Variants in BRF1 observed in about 807,000 individuals in gnomAD.
The protein encoded by BRF1 is transcription factor IIIB 90 kDa subunit.
A neutral mutation model predicts 81.7 loss-of-function variants in BRF1; 59 were observed. That is an observed-to-expected ratio of 0.72 (90% CI 0.59 to 0.90). BRF1 has a LOEUF of 0.90. Among genes scored for constraint, BRF1 ranks in the 40% least tolerant of loss-of-function variants. The pLI, the probability that BRF1 is intolerant of heterozygous loss-of-function variation, is 0.00. For synonymous variants in BRF1, 491 were observed against 395.6 expected (o/e 1.24, Z -2.86); for missense variants, 1,050 against 936.3 (o/e 1.12, Z -1.58).
At position 105,286,298 on chromosome 14, in the gene BRF1, T is replaced by C; in HGVS notation, c.263A>G (p.Asn88Ser). Residue 88 changes from asparagine to serine, a missense_variant and splice_region_variant, in exon 2 of 18, where the codon AAT becomes AGT. By Grantham distance (46) the Asn-to-Ser change is conservative. This residue lies in a region of BRF1 where 1,043 missense variants were observed against 915.4 expected (regional missense o/e 1.14). Transcript: ENST00000547530. ...GKESRAQTLQNGRRHIHHLGN... is the reference protein window; with the variant it reads ...GKESRAQTLQSGRRHIHHLGN... ...GCAGCATCCGCGGTGGGAAATACCA[T>C]TCTGCAGGGTCTGCGCTCTCGACTC... 1 of 1,612,876 alleles carries C rather than the reference T, an allele frequency of 6.2e-7. No individual in the cohort carries two copies. Among genetic ancestry groups the C allele is most frequent in the East Asian group, 2.2e-5 (1 of 44,880 alleles).
chr14:105,244,360 C>T (rs1019092823), intron 5 of BRF1, among the ~76,000 whole-genome samples: 17 of 152,170 alleles, frequency 1.1e-4, no homozygotes, highest in African/African-American at 4.1e-4. Context: ...GGGAGGATTG[C>T]TTGAGTCCAG....
chr14:105,302,573 CT>C (rs1462579959), upstream of BRF1, among the ~76,000 whole-genome samples: 47 of 151,816 alleles, frequency 3.1e-4, no homozygotes, highest in Admixed American at 3.1e-3. Context: ...AATGTGTTCC[CT>C]TTTTCTAGTT....
chr14:105,295,722 T>G (rs1480224314), intron 1 of BRF1, among the ~76,000 whole-genome samples: 1 of 151,192 alleles, frequency 6.6e-6, no homozygotes, highest in Non-Finnish European at 1.5e-5. Context: ...AGTTCCAGGC[T>G]GCAGTGACCT....
upstream of BRF1, among the ~76,000 whole-genome samples, chr14:105,301,582 C>T (rs2058030415): frequency 1.3e-5 from 2 of 152,286 alleles, no homozygotes; most frequent in South Asian, 4.1e-4. Flanking sequence ...CCACCCTGCC[C>T]CGCCCTCCGC....
At chr14:105,256,443 C>T in intron 4 of BRF1, 75 bp downstream of exon 4, 1 of 1,613,824 alleles carries the variant, frequency 6.2e-7, no homozygotes, top group East Asian at 2.2e-5. Context: ...TGGGGTACAC[C>T]CCGGTCACAA....
upstream of BRF1, among the ~76,000 whole-genome samples, chr14:105,304,501 A>G (rs142099915): frequency 1.3e-3 from 205 of 152,298 alleles, no homozygotes; most frequent in Non-Finnish European, 2.3e-3. Flanking sequence ...AATAAATAAA[A>G]TAAAATAAAA....
intron 15 of BRF1, among the ~76,000 whole-genome samples, chr14:105,214,036 TG>T: frequency 6.6e-6 from 1 of 152,340 alleles, no homozygotes; most frequent in East Asian, 1.9e-4. Context: ...CCTGAGGATG[TG>T]GGGCGCTGCG....
intron 1 of BRF1, among the ~76,000 whole-genome samples, chr14:105,294,371 G>A (rs183329818): frequency 8.3e-4 from 126 of 152,360 alleles, no homozygotes; most frequent in African/African-American, 2.9e-3. Flanking sequence ...TTCCAGCTCT[G>A]CACTGCTCCA....
intron 2 of BRF1, among the ~76,000 whole-genome samples, chr14:105,273,408 G>A (rs899341013): frequency 1.3e-5 from 2 of 152,202 alleles, no homozygotes; most frequent in South Asian, 2.1e-4. Flanking sequence ...CCAGCCACCC[G>A]GCCTGAGAAA....
At chr14:105,211,608 CTG>C (rs1434913872) in intron 16 of BRF1, 2 of 404,298 alleles carry the variant, frequency 4.9e-6, no homozygotes, top group Admixed American at 4.3e-5. Context: ...GCCGAGGACA[CTG>C]TGGCCTCAGC....
intron 5 of BRF1, chr14:105,246,947 T>C (rs1208043279): frequency 1.0e-6 from 1 of 985,464 alleles, no homozygotes; most frequent in Non-Finnish European, 1.2e-6. Flanking sequence ...AAGTTATTCC[T>C]TCTCACTGCA....
chr14:105,268,427 T>C (rs587730161), intron 3 of BRF1, among the ~76,000 whole-genome samples: 1 of 152,300 alleles, frequency 6.6e-6, no homozygotes, highest in African/African-American at 2.4e-5. Flanking sequence ...AGCACCCCGT[T>C]CCTCCTCCAG....
In BRF1 at chr14:105,300,988, A is replaced by C. The variant is rs1037588203; in HGVS notation, c.-359T>G. ...CCGAGCGGGGCCTACCGGTGAGCGC[A>C]GCCGAGGACTGGCGCTTGGGGGCGG... On this transcript the variant is annotated 5_prime_UTR_variant, in exon 1 of 18. Transcript: ENST00000547530. The C allele has an allele frequency of 1.3e-5, 2 of 153,018 alleles. No homozygotes were observed. Among genetic ancestry groups the C allele is most frequent in the South Asian group, 2.1e-4 (1 of 4,852 alleles). The allele number at this position is 153,018 out of a possible 1,614,324, so 9.5% of individuals were successfully genotyped here. A position where few individuals can be genotyped will look rare whatever the true frequency, so the allele number is the denominator to read the frequency against.
chr14:105,287,507 G>A (rs199587327), intron 1 of BRF1, among the ~76,000 whole-genome samples: 7 of 77,598 alleles, frequency 9.0e-5, no homozygotes, highest in African/African-American at 2.6e-4. Flanking sequence ...TGCTGCAATC[G>A]GGACGCGCAG....
Position 105,211,209 on chromosome 14 carries a change from G to A in BRF1, c.1909C>T (p.His637Tyr), listed in dbSNP as rs761258238. 3.2e-5 allele frequency: 52 copies of A among 1,611,688 alleles called. No individual in the cohort carries two copies. The highest frequency in any genetic ancestry group is 4.2e-5 in the Non-Finnish European group (50 of 1,179,898). The change falls in exon 17 of 18, where the codon CAC (histidine) becomes TAC (tyrosine). Residue 637 changes from histidine to tyrosine, a missense_variant. By Grantham distance (83) the His-to-Tyr change is moderately conservative. This residue lies in a region of BRF1 where 1,043 missense variants were observed against 915.4 expected (regional missense o/e 1.14). Transcript: ENST00000547530. Reference sequence around the variant, plus strand: ...TCCTCGTCAGCCTCCTCGTCGGCGTGGTATGACACGGGCCCGCTCTCCACC... The same window carrying A: ...TCCTCGTCAGCCTCCTCGTCGGCGTAGTATGACACGGGCCCGCTCTCCACC... Reference protein sequence around the residue: ...VLVESGPVSYHADEEADEEEP... With the variant: ...VLVESGPVSYYADEEADEEEP...
At chr14:105,272,422 G>C (rs1374649440) in intron 3 of BRF1, among the ~76,000 whole-genome samples, 2 of 152,240 alleles carry the variant, frequency 1.3e-5, no homozygotes, top group African/African-American at 4.8e-5. Flanking sequence ...CCAAGGCGCA[G>C]TAGGTCCACA....
intron 6 of BRF1, among the ~76,000 whole-genome samples, chr14:105,229,475 G>C (rs758655382): frequency 3.9e-5 from 6 of 152,342 alleles, no homozygotes; most frequent in East Asian, 1.9e-4. Context: ...GGGCCCGGAT[G>C]AGGAGTGAGG....
At chr14:105,223,726 G>A (rs949039677) in intron 10 of BRF1, among the ~76,000 whole-genome samples, 10 of 152,188 alleles carry the variant, frequency 6.6e-5, no homozygotes, top group African/African-American at 2.4e-4. Context: ...TGGCTTCACA[G>A]GTGTGTGCAG....
At chr14:105,286,180 A>T (rs2057307638) in intron 2 of BRF1, 116 bp downstream of exon 2, 1 of 1,168,452 alleles carries the variant, frequency 8.6e-7, no homozygotes, top group Non-Finnish European at 1.2e-6. Context: ...GTGCAGGGTG[A>T]CGAGGAAGTG....
Sources: allele counts gnomAD v4.1 joint callset (sites outside exome capture counted in the v4.1 genomes callset), GRCh38; gene constraint gnomAD v4.1.1; regional missense constraint gnomAD v4.1.1; transcripts MANE v1.5; gene names NCBI Gene and HGNC (gene_info 2026-07-23, HGNC 2026-07-21).